The following TEKT5 variants were observed in gnomAD, a reference collection of about 807,000 sequenced individuals.
TEKT5 encodes tektin 5.
TEKT5 carries 52 observed loss-of-function variants against 48.7 expected under a neutral mutation model. That is an observed-to-expected ratio of 1.07 (90% CI 0.86 to 1.35). TEKT5 has a LOEUF of 1.35. TEKT5 is among the 40% of genes most tolerant of loss of function. TEKT5 has a pLI of 0.00. For missense variants in TEKT5, 831 were observed against 641.6 expected, an observed-to-expected ratio of 1.30 and a Z score of -3.19; for synonymous variants, 318 against 267.6, an observed-to-expected ratio of 1.19 and a Z score of -1.84.
chr16:10,644,295 C>T (rs1172567664), intron 5 of TEKT5, among the ~76,000 whole-genome samples: 1 of 152,034 alleles, frequency 6.6e-6, no homozygotes, highest in East Asian at 1.9e-4. Context: ...CAACTGAGGC[C>T]CAGAGAGGAG....
chr16:10,661,366 A>G (rs139175571), intron 5 of TEKT5, among the ~76,000 whole-genome samples: 1 of 152,350 alleles, frequency 6.6e-6, no homozygotes, highest in African/African-American at 2.4e-5. Flanking sequence ...CTGGACCAGC[A>G]TCTTTGGACT....
Position 10,627,533 on chromosome 16 carries a change from C to T in TEKT5, c.*50G>A. 1.9e-6 allele frequency: 3 copies of T among 1,591,978 alleles called. No individual in the cohort carries two copies. Among genetic ancestry groups the T allele is most frequent in the Non-Finnish European group, 2.6e-6 (3 of 1,161,416 alleles). ...CAAAATACTGTTTTACTTTGTTTCT[C>T]AGCCTTTTCCAATTTTACGCCAGCG... On this transcript the variant is annotated 3_prime_UTR_variant, in exon 7 of 7. Transcript: ENST00000283025.
At chr16:10,630,998 G>C (rs1026464567) in intron 6 of TEKT5, among the ~76,000 whole-genome samples, 1 of 151,816 alleles carries the variant, frequency 6.6e-6, no homozygotes, top group African/African-American at 2.4e-5. Context: ...ACTTGAGGTA[G>C]AGAGTTTGAG....
chr16:10,686,060 C>T (rs1237647867), intron 3 of TEKT5, among the ~76,000 whole-genome samples: 1 of 152,144 alleles, frequency 6.6e-6, no homozygotes, highest in Non-Finnish European at 1.5e-5. Context: ...AATGGAAAAC[C>T]ATTCTCTCTT....
intron 3 of TEKT5, among the ~76,000 whole-genome samples, chr16:10,687,882 T>G (rs1898892062): frequency 6.6e-6 from 1 of 152,256 alleles, no homozygotes; most frequent in African/African-American, 2.4e-5. Flanking sequence ...GTGGGGTACC[T>G]GAGATATTTT....
At chr16:10,638,828 T>A (rs1897951530) in intron 5 of TEKT5, among the ~76,000 whole-genome samples, 1 of 152,212 alleles carries the variant, frequency 6.6e-6, no homozygotes, top group Non-Finnish European at 1.5e-5. Context: ...GAAAGATTCA[T>A]CATCAAAACC....
At chr16:10,643,435 T>C (rs1230341528) in intron 5 of TEKT5, among the ~76,000 whole-genome samples, 2 of 151,978 alleles carry the variant, frequency 1.3e-5, no homozygotes, top group Non-Finnish European at 2.9e-5. Flanking sequence ...TGATTATACC[T>C]CAAAATTTCC....
intron 5 of TEKT5, among the ~76,000 whole-genome samples, chr16:10,644,384 G>A (rs906309170): frequency 1.1e-4 from 16 of 152,164 alleles, no homozygotes; most frequent in Non-Finnish European, 1.6e-4. Flanking sequence ...AGTGGCGTTC[G>A]CAGATCCCCA....
intron 3 of TEKT5, among the ~76,000 whole-genome samples, chr16:10,687,294 C>T (rs1001024187): frequency 3.3e-5 from 5 of 152,024 alleles, no homozygotes; most frequent in Non-Finnish European, 7.4e-5. Context: ...GAAATACACA[C>T]GTAATTTCAG....
At chr16:10,637,476 G>C (rs1897932722) in intron 5 of TEKT5, among the ~76,000 whole-genome samples, 1 of 144,686 alleles carries the variant, frequency 6.9e-6, no homozygotes, top group Non-Finnish European at 1.5e-5. Context: ...GAGAGGAAGG[G>C]AGGGAGAAAG....
rs143074531 is a variant in TEKT5 at position 10,648,208 on chromosome 16, T to A, written c.1087-12290A>T. On this transcript the variant is annotated intron_variant, in intron 5 of 6. Coordinates refer to ENST00000283025, the MANE Select transcript of TEKT5 (RefSeq NM_144674.2). ...GCACACACAACCATTTATCAAGAGT[T>A]TACTCCAGGCCAGGTCCTGCGCCAA... Among the ~76,000 whole-genome samples the A allele has an allele frequency of 1.2e-3, 177 of 152,266 alleles. 1 individual carries two copies. Among genetic ancestry groups the A allele is most frequent in the African/African-American group, 4.0e-3 (166 of 41,558 alleles).
At chr16:10,631,552 G>C (rs7185243) in intron 6 of TEKT5, among the ~76,000 whole-genome samples, 1 of 152,082 alleles carries the variant, frequency 6.6e-6, no homozygotes, top group Non-Finnish European at 1.5e-5. Flanking sequence ...GCCCTGGTGC[G>C]TGTAATGTTA....
At chr16:10,684,394 T>C (rs1257848203) in intron 3 of TEKT5, among the ~76,000 whole-genome samples, 1 of 150,646 alleles carries the variant, frequency 6.6e-6, no homozygotes, top group African/African-American at 2.4e-5. Context: ...CTCCCCTCCA[T>C]CTTTTTTTTT....
intron 5 of TEKT5, 45 bp from the exon 6 acceptor site, chr16:10,635,963 ACCT>A: frequency 6.2e-7 from 1 of 1,602,690 alleles, no homozygotes; most frequent in Non-Finnish European, 8.5e-7. Context: ...GGCCCTTCTG[ACCT>A]CCTCTGACTG....
intron 4 of TEKT5, among the ~76,000 whole-genome samples, chr16:10,680,639 G>A (rs9926519): frequency 0.3 from 45,490 of 151,404 alleles, 7,801 homozygotes; most frequent in East Asian, 0.64. Flanking sequence ...ACTGGATTAA[G>A]AAAATGTGGC....
chr16:10,688,251 G>A (rs969413283), intron 3 of TEKT5, among the ~76,000 whole-genome samples: 13 of 152,160 alleles, frequency 8.5e-5, no homozygotes, highest in African/African-American at 2.9e-4. Flanking sequence ...GTCTTTCTAG[G>A]GGTCTCCAAT....
intron 5 of TEKT5, among the ~76,000 whole-genome samples, chr16:10,648,192 A>C (rs1898099990): frequency 6.6e-6 from 1 of 152,204 alleles, no homozygotes; most frequent in African/African-American, 2.4e-5. Flanking sequence ...GGCACACACA[A>C]CCATTTATCA....
chr16:10,657,159 C>G (rs1045106130), intron 5 of TEKT5, among the ~76,000 whole-genome samples: 6 of 136,600 alleles, frequency 4.4e-5, no homozygotes, highest in African/African-American at 1.4e-4. Context: ...GAGTTTCACT[C>G]TTGTTGCCCA....
At chr16:10,630,357 T>A (rs549688312) in intron 6 of TEKT5, among the ~76,000 whole-genome samples, 2 of 151,960 alleles carry the variant, frequency 1.3e-5, no homozygotes, top group South Asian at 4.2e-4. Context: ...TGTCTCAGCC[T>A]CCCAAATAGC....
Sources: allele counts gnomAD v4.1 joint callset (sites outside exome capture counted in the v4.1 genomes callset), GRCh38; gene constraint gnomAD v4.1.1; transcripts MANE v1.5; gene names NCBI Gene and HGNC (gene_info 2026-07-23, HGNC 2026-07-21).